The following PVT1 variants were observed in gnomAD, a reference collection of about 807,000 sequenced individuals.
The protein encoded by PVT1 is CXCR4/PVT1 fusion.
intron 4 of PVT1, among the ~76,000 whole-genome samples, chr8:127,996,200 A>G (rs1817102255): frequency 6.6e-6 from 1 of 152,172 alleles, no homozygotes; most frequent in Non-Finnish European, 1.5e-5. Flanking sequence ...GTAACAAAGT[A>G]AATCACAGAA....
chr8:127,906,896 G>C (rs958667570), intron 3 of PVT1, among the ~76,000 whole-genome samples: 1 of 151,760 alleles, frequency 6.6e-6, no homozygotes, highest in Admixed American at 6.6e-5. Context: ...CGGAGAGGCT[G>C]AGACACCCAG....
chr8:127,992,420 T>TA (rs1817054318), intron 4 of PVT1, among the ~76,000 whole-genome samples: 1 of 152,160 alleles, frequency 6.6e-6, no homozygotes, highest in African/African-American at 2.4e-5. Flanking sequence ...TTTATTTTTT[T>TA]AAAGACAGGG....
At chr8:127,914,368 T>A (rs866808036) in intron 3 of PVT1, among the ~76,000 whole-genome samples, 8 of 146,094 alleles carry the variant, frequency 5.5e-5, no homozygotes, top group Non-Finnish European at 7.4e-5. Context: ...CTGGTAGGAA[T>A]GTAAGATGAT....
At chr8:127,988,254 G>T (rs1220907801) in intron 3 of PVT1, among the ~76,000 whole-genome samples, 1 of 152,182 alleles carries the variant, frequency 6.6e-6, no homozygotes, top group South Asian at 2.1e-4. Flanking sequence ...ACTTTTCAGC[G>T]TTCTTTATTC....
At chr8:127,857,940 A>C (rs1205142497) in intron 2 of PVT1, among the ~76,000 whole-genome samples, 5 of 152,184 alleles carry the variant, frequency 3.3e-5, no homozygotes, top group Admixed American at 6.5e-5. Context: ...ATGAAGTTAA[A>C]CTCTGGGTTG....
intron 5 of PVT1, among the ~76,000 whole-genome samples, chr8:128,082,490 G>A (rs1348794348): frequency 2.6e-5 from 4 of 152,316 alleles, no homozygotes; most frequent in East Asian, 3.9e-4. Context: ...CATGGCAGAC[G>A]CTGTCTCTTG....
chr8:127,933,492 G>A (rs1816235897), intron 3 of PVT1, among the ~76,000 whole-genome samples: 1 of 152,170 alleles, frequency 6.6e-6, no homozygotes. Context: ...CAAACCTGCG[G>A]GTATAGGTGG....
chr8:127,864,355 C>T (rs1335858221), intron 2 of PVT1, among the ~76,000 whole-genome samples: 2 of 152,260 alleles, frequency 1.3e-5, no homozygotes, highest in South Asian at 2.1e-4. Flanking sequence ...CTGGGAGCCT[C>T]AGCCTCCTGT....
chr8:127,833,849 G>A (rs1814879832), intron 2 of PVT1, among the ~76,000 whole-genome samples: 1 of 152,298 alleles, frequency 6.6e-6, no homozygotes, highest in Non-Finnish European at 1.5e-5. Context: ...TATCAGTCCT[G>A]TAGTCCAGTG....
chr8:127,927,544 A>G (rs937680529), intron 3 of PVT1, among the ~76,000 whole-genome samples: 44 of 152,270 alleles, frequency 2.9e-4, no homozygotes, highest in African/African-American at 1.0e-3. Flanking sequence ...TGCTTGCTGC[A>G]TGGTCCAGGA....
chr8:127,844,638 C>G (rs1264874724), intron 2 of PVT1, among the ~76,000 whole-genome samples: 4 of 152,136 alleles, frequency 2.6e-5, no homozygotes, highest in Non-Finnish European at 5.9e-5. Flanking sequence ...CCTCTTGCAT[C>G]AGAATTCCTG....
chr8:128,029,958 T>A (rs557919587), intron 4 of PVT1, among the ~76,000 whole-genome samples: 127 of 152,222 alleles, frequency 8.3e-4, no homozygotes, highest in African/African-American at 2.1e-3. Context: ...AAATTTTTTT[T>A]AAAAAATTAG....
chr8:127,986,991 C>T lies in PVT1; in HGVS notation n.783-2171C>T, dbSNP rs1810052441. ...TCAGCTTGCAAACCAACACTTCAGC[C>T]CTGTATTTGTGGATTTGTCTCTTGG... On this transcript the variant is annotated intron_variant and non_coding_transcript_variant, in intron 3 of 10. Transcript: ENST00000651587. Among the ~76,000 whole-genome samples, 2 of 152,112 alleles carry T rather than the reference C, an allele frequency of 1.3e-5. 1 individual carries two copies. The highest frequency in any genetic ancestry group is 2.9e-5 in the Non-Finnish European group (2 of 68,024).
chr8:128,044,011 A>ATTTTTTTTTTTTTTTTTTTTTT (rs66807418), intron 4 of PVT1, among the ~76,000 whole-genome samples: 1 of 97,916 alleles, frequency 1.0e-5, no homozygotes, highest in African/African-American at 3.4e-5. Context: ...ATTATTATTT[A>ATTTTTTTTTTTTTTTTTTTTTT]TTTATTTTTT....
chr8:127,869,275 C>T (rs1021879645), intron 2 of PVT1, among the ~76,000 whole-genome samples: 6 of 151,918 alleles, frequency 3.9e-5, no homozygotes, highest in Non-Finnish European at 7.4e-5. Flanking sequence ...GGATTACAGG[C>T]ATGCACCACC....
intron 3 of PVT1, among the ~76,000 whole-genome samples, chr8:127,961,648 C>T (rs75789126): frequency 0.022 from 3,401 of 152,328 alleles, 130 homozygotes; most frequent in African/African-American, 0.079. Flanking sequence ...TAACCTTGTC[C>T]GTACCACTGA....
chr8:128,099,164 C>T (rs1360336256), intron 6 of PVT1, among the ~76,000 whole-genome samples: 1 of 152,214 alleles, frequency 6.6e-6, no homozygotes, highest in East Asian at 1.9e-4. Context: ...CTGTTCTCCA[C>T]GTCATTGCAT....
At position 127,907,377 on chromosome 8, in the gene PVT1, G is replaced by T. The variant is rs1019435330; in HGVS notation, n.782+16379G>T. On this transcript the variant is annotated intron_variant and non_coding_transcript_variant, in intron 3 of 10. Coordinates refer to ENST00000651587, the Ensembl canonical transcript of PVT1. ...CTCTGGTCCCAGATGGACAGCCCGG[G>T]CCCTTTGAAGACACTCTGGCCTTCA... Among the ~76,000 whole-genome samples, 272 of 152,278 alleles carry T rather than the reference G, an allele frequency of 1.8e-3. 1 individual carries two copies. The highest frequency in any genetic ancestry group is 6.2e-3 in the African/African-American group (258 of 41,534).
intron 4 of PVT1, among the ~76,000 whole-genome samples, chr8:128,032,521 T>G (rs1173783674): frequency 1.3e-5 from 2 of 152,246 alleles, no homozygotes; most frequent in Non-Finnish European, 2.9e-5. Context: ...CCCTGGGATA[T>G]GCATATTATA....
Sources: allele counts gnomAD v4.1 joint callset (sites outside exome capture counted in the v4.1 genomes callset), GRCh38; gene constraint gnomAD v4.1.1; transcripts MANE v1.5; gene names NCBI Gene and HGNC (gene_info 2026-07-23, HGNC 2026-07-21).